Variants in LHFPL3 observed in about 807,000 individuals in gnomAD.
The protein encoded by LHFPL3 is LHFPL tetraspan subfamily member 3 protein.
In LHFPL3, 5 loss-of-function variants were observed where a neutral mutation model predicts 19.3. The observed-to-expected ratio is 0.26, with a 90% CI of 0.14 to 0.54. The LOEUF (loss-of-function observed/expected upper bound fraction) is 0.54, where lower values mean the gene tolerates loss of function less well. Ranked by LOEUF, LHFPL3 falls within the 20% of genes least tolerant of loss-of-function variation. LHFPL3 has a pLI of 0.94. For missense variants in LHFPL3, 249 were observed against 307.4 expected (o/e 0.81, Z 1.42); for synonymous variants, 133 against 126.2 (o/e 1.05, Z -0.36).
chr7:104,840,310 T>TA (rs1259887408), intron 2 of LHFPL3, among the ~76,000 whole-genome samples: 4 of 144,578 alleles, frequency 2.8e-5, no homozygotes, highest in Non-Finnish European at 3.0e-5. Context: ...TGGGTTTTCT[T>TA]TTTTTTTTTT....
At chr7:104,362,915 G>A (rs1051892136) in intron 1 of LHFPL3, among the ~76,000 whole-genome samples, 1 of 152,190 alleles carries the variant, frequency 6.6e-6, no homozygotes, top group African/African-American at 2.4e-5. Flanking sequence ...ACTTGCCTGG[G>A]TGGTGCCCAG....
intron 1 of LHFPL3, among the ~76,000 whole-genome samples, chr7:104,351,910 A>G (rs557684478): frequency 6.6e-6 from 1 of 152,148 alleles, no homozygotes; most frequent in Non-Finnish European, 1.5e-5. Context: ...AAGACCTAAT[A>G]CAACTAGGCC....
chr7:104,513,622 G>A (rs1033158966), intron 1 of LHFPL3, among the ~76,000 whole-genome samples: 8 of 152,258 alleles, frequency 5.3e-5, no homozygotes, highest in South Asian at 4.1e-4. Flanking sequence ...AATTAAAGAC[G>A]GAGAATGACA....
chr7:104,814,076 G>T (rs532358382), intron 2 of LHFPL3, among the ~76,000 whole-genome samples: 1 of 152,314 alleles, frequency 6.6e-6, no homozygotes, highest in East Asian at 1.9e-4. Flanking sequence ...GCTTTACTGA[G>T]CAATAGAACA....
At chr7:104,763,483 C>G (rs1028528871) in intron 2 of LHFPL3, among the ~76,000 whole-genome samples, 1 of 152,200 alleles carries the variant, frequency 6.6e-6, no homozygotes, top group Non-Finnish European at 1.5e-5. Context: ...TACTGCATGC[C>G]GTCTGCTGCA....
chr7:104,847,084 T>C (rs79782021), intron 2 of LHFPL3, among the ~76,000 whole-genome samples: 3,286 of 151,754 alleles, frequency 0.022, 139 homozygotes, highest in African/African-American at 0.073. Context: ...GCACACAGCC[T>C]GTGCCCTTTA....
chr7:104,704,976 T>C (rs1401626726), intron 1 of LHFPL3, among the ~76,000 whole-genome samples: 1 of 152,230 alleles, frequency 6.6e-6, no homozygotes, highest in African/African-American at 2.4e-5. Flanking sequence ...CAGGAGACTA[T>C]AGATAATGTC....
intron 2 of LHFPL3, among the ~76,000 whole-genome samples, chr7:104,838,703 A>G (rs1248266051): frequency 6.6e-6 from 1 of 152,224 alleles, no homozygotes; most frequent in African/African-American, 2.4e-5. Context: ...ATTTCATACC[A>G]TAGACACATG....
At chr7:104,389,535 G>T (rs1791019239) in intron 1 of LHFPL3, among the ~76,000 whole-genome samples, 1 of 152,100 alleles carries the variant, frequency 6.6e-6, no homozygotes, top group Non-Finnish European at 1.5e-5. Context: ...TTCTATAAAA[G>T]TATAAGAGGT....
intron 1 of LHFPL3, among the ~76,000 whole-genome samples, chr7:104,607,759 G>T (rs183201688): frequency 3.5e-4 from 53 of 152,090 alleles, no homozygotes; most frequent in African/African-American, 1.3e-3. Flanking sequence ...CTGACAAAGG[G>T]CTAATATCCA....
Position 104,530,065 on chromosome 7 carries a change from T to C in LHFPL3, c.445+200841T>C, listed in dbSNP as rs114232826. ...TCATCCTAGCCTAAATTGTCCTTGG[T>C]ACAACTTCTGTTGGAATGTTAAAAA... On this transcript the variant is annotated intron_variant, in intron 1 of 2. Transcript: ENST00000424859. Among the ~76,000 whole-genome samples the C allele has an allele frequency of 9.1e-3, 1,380 of 152,322 alleles. 20 individuals are homozygous for C. Among genetic ancestry groups the C allele is most frequent in the African/African-American group, 0.031 (1,299 of 41,572 alleles).
At chr7:104,846,965 T>A (rs1280393735) in intron 2 of LHFPL3, among the ~76,000 whole-genome samples, 2 of 152,216 alleles carry the variant, frequency 1.3e-5, no homozygotes, top group African/African-American at 2.4e-5. Context: ...TGAAAAAAGT[T>A]ATAGTCAGGC....
chr7:104,671,593 A>C (rs1792484550), intron 1 of LHFPL3, among the ~76,000 whole-genome samples: 1 of 151,662 alleles, frequency 6.6e-6, no homozygotes, highest in Non-Finnish European at 1.5e-5. Context: ...AAAAGAAAGA[A>C]ATACAAGGAA....
chr7:104,730,247 T>G (rs1306203934), intron 1 of LHFPL3, among the ~76,000 whole-genome samples: 4 of 152,220 alleles, frequency 2.6e-5, no homozygotes, highest in Admixed American at 6.5e-5. Context: ...TATATTCCTT[T>G]GGGTATATAC....
chr7:104,530,509 G>T (rs573847882), intron 1 of LHFPL3, among the ~76,000 whole-genome samples: 1 of 152,328 alleles, frequency 6.6e-6, no homozygotes, highest in Non-Finnish European at 1.5e-5. Context: ...TCAATGAGGA[G>T]TGGAGTTGTG....
intron 2 of LHFPL3, among the ~76,000 whole-genome samples, chr7:104,758,095 A>G (rs948284598): frequency 1.3e-5 from 2 of 152,336 alleles, no homozygotes; most frequent in South Asian, 2.1e-4. Flanking sequence ...AAGCGAATTA[A>G]CAGAGGAACA....
At chr7:104,527,162 G>A (rs1794204661) in intron 1 of LHFPL3, among the ~76,000 whole-genome samples, 1 of 152,162 alleles carries the variant, frequency 6.6e-6, no homozygotes, top group Admixed American at 6.5e-5. Flanking sequence ...GCAGTAGGTG[G>A]CAGTGATAAA....
chr7:104,782,065 G>A (rs888190425), intron 2 of LHFPL3, among the ~76,000 whole-genome samples: 1 of 152,208 alleles, frequency 6.6e-6, no homozygotes. Flanking sequence ...GGGCTCCGCA[G>A]GGCAATTCTT....
intron 2 of LHFPL3, among the ~76,000 whole-genome samples, chr7:104,788,951 C>G (rs948834081): frequency 2.0e-5 from 3 of 152,204 alleles, no homozygotes; most frequent in Admixed American, 2.0e-4. Context: ...CACCATTTCC[C>G]TAAGTCCAAC....
Sources: allele counts gnomAD v4.1 joint callset (sites outside exome capture counted in the v4.1 genomes callset), GRCh38; gene constraint gnomAD v4.1.1; transcripts MANE v1.5; gene names NCBI Gene and HGNC (gene_info 2026-07-23, HGNC 2026-07-21).